Variants in CSMD1 observed in about 807,000 individuals in gnomAD.
CSMD1 encodes the protein CUB and Sushi multiple domains 1, also known as CUB and sushi domain-containing protein 1.
A neutral mutation model predicts 417.5 loss-of-function variants in CSMD1; 213 were observed. That is an observed-to-expected ratio of 0.51 (90% CI 0.46 to 0.57). CSMD1 has a LOEUF of 0.57. Ranked by LOEUF, CSMD1 falls within the 20% of genes least tolerant of loss-of-function variation. CSMD1 has a pLI of 0.00. For synonymous variants in CSMD1, 2,862 were observed against 1,736.8 expected, an observed-to-expected ratio of 1.65 and a Z score of -16.11; for missense variants, 6,923 against 4,529.7, an observed-to-expected ratio of 1.53 and a Z score of -15.17.
At chr8:3,659,241 T>C (rs1798286246) in intron 7 of CSMD1, among the ~76,000 whole-genome samples, 1 of 152,200 alleles carries the variant, frequency 6.6e-6, no homozygotes, top group African/African-American at 2.4e-5. Flanking sequence ...TGTATATTTA[T>C]TCCTATGAGA....
chr8:3,926,102 CACACACA>C (rs1335394444), intron 5 of CSMD1, among the ~76,000 whole-genome samples: 2 of 52,094 alleles, frequency 3.8e-5, no homozygotes, highest in Non-Finnish European at 8.3e-5. Context: ...CACACACACA[CACACACA>C]CACACACACA....
At chr8:4,723,481 T>C (rs137995792) in intron 1 of CSMD1, among the ~76,000 whole-genome samples, 2 of 152,300 alleles carry the variant, frequency 1.3e-5, no homozygotes, top group African/African-American at 4.8e-5. Context: ...TAAAGTGTGT[T>C]ACCTGACAAC....
intron 5 of CSMD1, among the ~76,000 whole-genome samples, chr8:3,829,458 C>T (rs566694919): frequency 1.5e-4 from 23 of 152,224 alleles, no homozygotes; most frequent in Admixed American, 1.5e-3. Context: ...AGGTTATCTG[C>T]AGAGCCCTTG....
At chr8:3,272,049 T>C (rs950923546) in intron 26 of CSMD1, among the ~76,000 whole-genome samples, 30 of 151,054 alleles carry the variant, frequency 2.0e-4, no homozygotes, top group African/African-American at 6.8e-4. Context: ...TCTTCTAGGG[T>C]TTTTATGGTT....
intron 10 of CSMD1, among the ~76,000 whole-genome samples, chr8:3,494,581 TA>T (rs1563092082): frequency 6.7e-6 from 1 of 149,720 alleles, no homozygotes; most frequent in Non-Finnish European, 1.5e-5. Context: ...GATAGATAGA[TA>T]GATAGATAGA....
chr8:4,103,349 G>C (rs1348239280), intron 3 of CSMD1, among the ~76,000 whole-genome samples: 2 of 151,338 alleles, frequency 1.3e-5, no homozygotes, highest in African/African-American at 2.4e-5. Flanking sequence ...AAAAAAGTTG[G>C]TTTTGAATTC....
chr8:4,837,898 A>G (rs1179606762), intron 1 of CSMD1, among the ~76,000 whole-genome samples: 1 of 152,062 alleles, frequency 6.6e-6, no homozygotes, highest in Non-Finnish European at 1.5e-5. Flanking sequence ...GAACCCCAAA[A>G]TTAAAAAAAA....
At chr8:4,047,387 A>C (rs555007488) in intron 3 of CSMD1, among the ~76,000 whole-genome samples, 13 of 152,324 alleles carry the variant, frequency 8.5e-5, no homozygotes, top group Non-Finnish European at 1.3e-4. Flanking sequence ...ACAATCTTGG[A>C]AACTCAGGAA....
At chr8:4,303,805 T>A (rs1910718) in intron 3 of CSMD1, among the ~76,000 whole-genome samples, 115,267 of 151,802 alleles carry the variant, frequency 0.76, 43,844 homozygotes, top group East Asian at 0.85. Context: ...ACAGGCACAC[T>A]CCACTCTCCC....
chr8:3,269,827 C>G (rs1027772528), intron 26 of CSMD1, among the ~76,000 whole-genome samples: 1 of 152,166 alleles, frequency 6.6e-6, no homozygotes, highest in Non-Finnish European at 1.5e-5. Context: ...GTTTTACATG[C>G]TGTGCAGAGC....
intron 2 of CSMD1, among the ~76,000 whole-genome samples, chr8:4,426,953 C>T (rs767970067): frequency 6.6e-6 from 1 of 151,904 alleles, no homozygotes; most frequent in African/African-American, 2.4e-5. Context: ...AGTATTCGGT[C>T]ACTGGATAAG....
intron 1 of CSMD1, among the ~76,000 whole-genome samples, chr8:4,961,228 T>G (rs1171927924): frequency 1.3e-5 from 2 of 152,212 alleles, no homozygotes; most frequent in African/African-American, 4.8e-5. Flanking sequence ...ATATTTTCCC[T>G]AACACTTCTG....
chr8:4,596,804 G>C (rs578169045), intron 2 of CSMD1, among the ~76,000 whole-genome samples: 70 of 152,184 alleles, frequency 4.6e-4, no homozygotes, highest in Non-Finnish European at 7.9e-4. Context: ...CTATCTACCA[G>C]AATACCCACA....
rs557573770 is a variant in CSMD1, at chr8:2,980,195, G to A, written c.8378-1395C>T. On this transcript the variant is annotated intron_variant, in intron 54 of 69. Transcript: ENST00000635120. ...ATTTCAAACTGTGTTTGTAATCAAA[G>A]CAGAGAAAGCCACTTAGGAGAAATG... Among the ~76,000 whole-genome samples, 3 of 152,304 alleles carry A rather than the reference G, an allele frequency of 2.0e-5. No homozygotes were observed. The South Asian group carries it at 6.2e-4, about 32-fold the overall frequency.
At chr8:3,441,619 C>G (rs1258980861) in intron 12 of CSMD1, among the ~76,000 whole-genome samples, 1 of 152,018 alleles carries the variant, frequency 6.6e-6, no homozygotes, top group South Asian at 2.1e-4. Flanking sequence ...CCTCCTATCA[C>G]CTAATGACAT....
chr8:3,970,141 T>A (rs1057209470), intron 5 of CSMD1, among the ~76,000 whole-genome samples: 5 of 152,216 alleles, frequency 3.3e-5, no homozygotes, highest in African/African-American at 1.2e-4. Flanking sequence ...TGCTCTAAAA[T>A]AATCATTTTA....
chr8:4,252,278 G>A (rs1275420988), intron 3 of CSMD1, among the ~76,000 whole-genome samples: 2 of 152,206 alleles, frequency 1.3e-5, no homozygotes, highest in African/African-American at 2.4e-5. Flanking sequence ...TTTCCTGTGA[G>A]TTGTCTTCTG....
At chr8:4,831,344 C>T (rs535511929) in intron 1 of CSMD1, among the ~76,000 whole-genome samples, 1 of 152,184 alleles carries the variant, frequency 6.6e-6, no homozygotes, top group South Asian at 2.1e-4. Flanking sequence ...ACTGCAATAC[C>T]TTATAATTAA....
chr8:2,962,668 C>A (rs775785863), intron 60 of CSMD1, 29 bp from the exon 61 acceptor site: 2 of 1,602,726 alleles, frequency 1.2e-6, no homozygotes, highest in Non-Finnish European at 1.7e-6. Flanking sequence ...AAGAAGTCAG[C>A]CTTCAACGTC....
Sources: allele counts gnomAD v4.1 joint callset (sites outside exome capture counted in the v4.1 genomes callset), GRCh38; gene constraint gnomAD v4.1.1; transcripts MANE v1.5; gene names NCBI Gene and HGNC (gene_info 2026-07-23, HGNC 2026-07-21).